DISC1: variants seen among roughly 807,000 people sequenced by gnomAD.
DISC1 encodes DISC1 scaffold protein.
DISC1 carries 57 observed loss-of-function variants against 84.5 expected under a neutral mutation model. That is an observed-to-expected ratio of 0.67 (90% CI 0.55 to 0.84). The LOEUF is 0.84. DISC1 is among the 40% of genes least tolerant of loss of function. DISC1 has a pLI of 0.00. For missense variants in DISC1, 1,000 were observed against 1,057.8 expected, an observed-to-expected ratio of 0.95 and a Z score of 0.76; for synonymous variants, 411 against 415.2, an observed-to-expected ratio of 0.99 and a Z score of 0.12.
At chr1:231,722,740 T>C in intron 3 of DISC1, 3 of 1,526,316 alleles carry the variant, frequency 2.0e-6, no homozygotes, top group South Asian at 2.5e-5. Context: ...TAGCATCATA[T>C]TCCTCTCCCT....
intron 9 of DISC1, among the ~76,000 whole-genome samples, chr1:231,824,093 A>G (rs1008988328): frequency 1.3e-5 from 2 of 152,164 alleles, no homozygotes; most frequent in Non-Finnish European, 1.5e-5. Flanking sequence ...CATATCCTGT[A>G]CACTCACCAA....
chr1:231,644,890 T>C (rs549522776), intron 1 of DISC1, among the ~76,000 whole-genome samples: 153 of 152,086 alleles, frequency 1.0e-3, no homozygotes, highest in African/African-American at 3.4e-3. Context: ...GTTGGGTGCT[T>C]AGGGCCTGGG....
At chr1:231,900,772 T>C (rs912987077) in intron 9 of DISC1, among the ~76,000 whole-genome samples, 2 of 152,110 alleles carry the variant, frequency 1.3e-5, no homozygotes, top group African/African-American at 4.8e-5. Context: ...GACAGGGAGG[T>C]TAGACAAGGC....
chr1:232,038,810 C>A lies in DISC1; in HGVS notation c.*1979C>A, dbSNP rs1474209963. On this transcript the variant is annotated 3_prime_UTR_variant, in exon 13 of 13. Coordinates refer to ENST00000439617, the MANE Select transcript of DISC1 (RefSeq NM_018662.3). Reference sequence around the variant, plus strand: ...TTATGTGTTTAGGGATAGTGAGGTTCCTGCCTTCACTAGGATCCACGGATA... The same window carrying A: ...TTATGTGTTTAGGGATAGTGAGGTTACTGCCTTCACTAGGATCCACGGATA... 1 of 152,128 alleles carries A rather than the reference C, an allele frequency of 6.6e-6. No individual in the cohort carries two copies. Among genetic ancestry groups the A allele is most frequent in the Non-Finnish European group, 1.5e-5 (1 of 68,036 alleles). 9.4% of individuals were successfully genotyped at this position (152,128 alleles called of 1,614,324 possible).
At chr1:231,948,183 T>C (rs1657600176) in intron 9 of DISC1, among the ~76,000 whole-genome samples, 1 of 152,196 alleles carries the variant, frequency 6.6e-6, no homozygotes, top group Admixed American at 6.5e-5. Context: ...CTATTCACAA[T>C]AGCAAAGACT....
chr1:231,663,249 A>G (rs777640279), intron 1 of DISC1, among the ~76,000 whole-genome samples: 1 of 152,248 alleles, frequency 6.6e-6, no homozygotes, highest in African/African-American at 2.4e-5. Flanking sequence ...TAAAAGGGTC[A>G]ATTTACCTAG....
At chr1:232,008,755 T>C (rs1421083591) in intron 10 of DISC1, 30 bp from the exon 11 acceptor site, 1 of 1,526,856 alleles carries the variant, frequency 6.5e-7, no homozygotes, top group Non-Finnish European at 8.8e-7. Flanking sequence ...CTGAGTTCAT[T>C]TTTATGCCTT....
chr1:231,851,506 A>G (rs2083896236), intron 9 of DISC1, among the ~76,000 whole-genome samples: 1 of 152,050 alleles, frequency 6.6e-6, no homozygotes, highest in Non-Finnish European at 1.5e-5. Context: ...GCCTACATTC[A>G]CCCCTGTCCG....
intron 9 of DISC1, chr1:231,818,817 G>T: frequency 2.5e-6 from 3 of 1,183,436 alleles, no homozygotes; most frequent in African/African-American, 1.6e-5. Context: ...AAGGTCTTGA[G>T]CATTTTCTTT....
At chr1:231,652,134 T>G (rs558635033) in intron 1 of DISC1, among the ~76,000 whole-genome samples, 61 of 152,136 alleles carry the variant, frequency 4.0e-4, no homozygotes, top group African/African-American at 1.4e-3. Context: ...AACAGGTACC[T>G]CAGTTGGAAA....
chr1:231,693,040 A>G (rs2065233044), intron 1 of DISC1, among the ~76,000 whole-genome samples: 1 of 152,214 alleles, frequency 6.6e-6, no homozygotes, highest in South Asian at 2.1e-4. Context: ...CAACCACCTT[A>G]TGAGAGAGCT....
chr1:232,013,105 A>C (rs558133183), intron 11 of DISC1, among the ~76,000 whole-genome samples: 11 of 152,236 alleles, frequency 7.2e-5, no homozygotes, highest in South Asian at 2.1e-4. Context: ...GCTCTTTTGT[A>C]CGGGCTGTTC....
chr1:231,857,475 G>A (rs996270439), intron 9 of DISC1, among the ~76,000 whole-genome samples: 1 of 152,114 alleles, frequency 6.6e-6, no homozygotes. Context: ...ACGACATGTG[G>A]GGTTTGTCCC....
chr1:231,797,251 T>TA (rs2078833480), intron 7 of DISC1, among the ~76,000 whole-genome samples: 1 of 152,214 alleles, frequency 6.6e-6, no homozygotes, highest in South Asian at 2.1e-4. Context: ...CATATACTGA[T>TA]ACGCACCCAA....
At chr1:231,817,673 T>C (rs2081157335) in intron 8 of DISC1, among the ~76,000 whole-genome samples, 1 of 152,086 alleles carries the variant, frequency 6.6e-6, no homozygotes, top group Non-Finnish European at 1.5e-5. Context: ...TTTTAAAAAA[T>C]CATCTTCTAG....
At chr1:231,704,287 G>A (rs2066755187) in intron 3 of DISC1, among the ~76,000 whole-genome samples, 1 of 152,192 alleles carries the variant, frequency 6.6e-6, no homozygotes, top group African/African-American at 2.4e-5. Flanking sequence ...CTGAAGGTGG[G>A]CTTAGTTCTC....
At chr1:231,860,397 T>A (rs1310496809) in intron 9 of DISC1, among the ~76,000 whole-genome samples, 1 of 152,100 alleles carries the variant, frequency 6.6e-6, no homozygotes, top group Non-Finnish European at 1.5e-5. Flanking sequence ...AAATCCAAAA[T>A]CCAAAATCCA....
intron 9 of DISC1, among the ~76,000 whole-genome samples, chr1:231,891,183 TACACTA>T (rs1213674296): frequency 1.3e-5 from 2 of 151,972 alleles, no homozygotes; most frequent in African/African-American, 4.8e-5. Flanking sequence ...ACACATAAAA[TACACTA>T]ACACTAACAA....
intron 12 of DISC1, among the ~76,000 whole-genome samples, chr1:232,032,231 A>C (rs1222997385): frequency 6.6e-6 from 1 of 152,210 alleles, no homozygotes; most frequent in African/African-American, 2.4e-5. Context: ...GAATCAAACT[A>C]GGTCAGATGA....
Sources: allele counts gnomAD v4.1 joint callset (sites outside exome capture counted in the v4.1 genomes callset), GRCh38; gene constraint gnomAD v4.1.1; transcripts MANE v1.5; gene names NCBI Gene and HGNC (gene_info 2026-07-23, HGNC 2026-07-21).